PXDNL: variants seen among roughly 807,000 people sequenced by gnomAD.
PXDNL encodes peroxidasin like.
In PXDNL, 145 loss-of-function variants were observed where a neutral mutation model predicts 150.8. The ratio of observed to expected loss-of-function variants is 0.96; its 90% confidence interval spans 0.84 to 1.10. The LOEUF (loss-of-function observed/expected upper bound fraction) is 1.10. Ranked by LOEUF, PXDNL falls within the 50% of genes least tolerant of loss-of-function variation. PXDNL has a pLI of 0.00. For synonymous variants in PXDNL, 757 were observed against 725.7 expected (o/e 1.04, Z -0.69); for missense variants, 2,087 against 1,873.9 (o/e 1.11, Z -2.10).
At chr8:51,451,471 T>G (rs1227631123) in intron 10 of PXDNL, among the ~76,000 whole-genome samples, 1 of 152,236 alleles carries the variant, frequency 6.6e-6, no homozygotes. Context: ...CCACCTCCAG[T>G]GCTAAAATAG....
At chr8:51,659,507 G>A (rs751060603) in intron 1 of PXDNL, among the ~76,000 whole-genome samples, 7 of 152,272 alleles carry the variant, frequency 4.6e-5, no homozygotes, top group South Asian at 2.1e-4. Context: ...ATGACTCCCC[G>A]TGGCAGATTG....
intron 4 of PXDNL, among the ~76,000 whole-genome samples, chr8:51,548,878 T>C (rs763298879): frequency 6.6e-6 from 1 of 152,054 alleles, no homozygotes; most frequent in Non-Finnish European, 1.5e-5. Context: ...TTAAAAGATA[T>C]GGAATGGCAG....
At chr8:51,436,068 G>T in intron 12 of PXDNL, 1 of 518,362 alleles carries the variant, frequency 1.9e-6, no homozygotes, top group South Asian at 1.4e-5. Context: ...AACTACAGAT[G>T]ACTGGAAACC....
intron 1 of PXDNL, among the ~76,000 whole-genome samples, chr8:51,779,947 C>A (rs759953486): frequency 3.3e-5 from 5 of 152,054 alleles, no homozygotes; most frequent in Non-Finnish European, 5.9e-5. Flanking sequence ...TGTGGTGGCT[C>A]ATGCCTGTAA....
At chr8:51,631,825 A>G (rs1814494592) in intron 2 of PXDNL, among the ~76,000 whole-genome samples, 1 of 152,178 alleles carries the variant, frequency 6.6e-6, no homozygotes, top group African/African-American at 2.4e-5. Flanking sequence ...ATTGAAGCTA[A>G]GTTGATATCA....
chr8:51,738,153 A>G (rs1455391217), intron 1 of PXDNL, among the ~76,000 whole-genome samples: 1 of 152,186 alleles, frequency 6.6e-6, no homozygotes, highest in Non-Finnish European at 1.5e-5. Flanking sequence ...CCCACAATAC[A>G]AATATAGTGA....
chr8:51,636,273 C>T (rs1814600716), intron 2 of PXDNL, among the ~76,000 whole-genome samples: 1 of 152,088 alleles, frequency 6.6e-6, no homozygotes, highest in Non-Finnish European at 1.5e-5. Flanking sequence ...AAACCTTCCC[C>T]CTAAGATCAA....
chr8:51,403,284 G>A (rs1808324743), intron 17 of PXDNL, among the ~76,000 whole-genome samples: 1 of 152,114 alleles, frequency 6.6e-6, no homozygotes, highest in Non-Finnish European at 1.5e-5. Flanking sequence ...GGTACTGAAG[G>A]AGGCAGGATA....
At chr8:51,512,486 A>T (rs2130350389) in intron 4 of PXDNL, among the ~76,000 whole-genome samples, 1 of 152,358 alleles carries the variant, frequency 6.6e-6, no homozygotes, top group South Asian at 2.1e-4. Context: ...AGATGGCGGC[A>T]TTGATTCTGT....
chr8:51,578,001 GGAA>G (rs1813116010), intron 3 of PXDNL, among the ~76,000 whole-genome samples: 1 of 53,056 alleles, frequency 1.9e-5, no homozygotes, highest in African/African-American at 1.0e-4. Flanking sequence ...GAAAGAAAGA[GGAA>G]GGAAGGAAGG....
intron 3 of PXDNL, among the ~76,000 whole-genome samples, chr8:51,557,816 C>A (rs1256831627): frequency 1.3e-5 from 2 of 152,094 alleles, no homozygotes; most frequent in South Asian, 4.1e-4. Flanking sequence ...CACAGTTCTG[C>A]CTAAAAATAA....
intron 12 of PXDNL, among the ~76,000 whole-genome samples, chr8:51,430,378 T>G (rs778879866): frequency 6.6e-6 from 1 of 152,198 alleles, no homozygotes; most frequent in African/African-American, 2.4e-5. Context: ...AGCGGCTAAC[T>G]GGGCTTAAAT....
intron 1 of PXDNL, among the ~76,000 whole-genome samples, chr8:51,675,135 A>T (rs1257940258): frequency 6.6e-6 from 1 of 152,112 alleles, no homozygotes; most frequent in Non-Finnish European, 1.5e-5. Flanking sequence ...TATAAACCCT[A>T]GTCATTTCTC....
chr8:51,614,037 T>C (rs1438965500), intron 2 of PXDNL, among the ~76,000 whole-genome samples: 11 of 152,334 alleles, frequency 7.2e-5, no homozygotes, highest in Middle Eastern at 3.4e-3. Flanking sequence ...CACCTGATGG[T>C]TGTGCCATCT....
intron 3 of PXDNL, among the ~76,000 whole-genome samples, chr8:51,582,280 T>C (rs1813226755): frequency 6.6e-6 from 1 of 152,112 alleles, no homozygotes; most frequent in Non-Finnish European, 1.5e-5. Context: ...AGAACTTGAC[T>C]ATGCTAGCAC....
chr8:51,563,591 T>G (rs1220043000), intron 3 of PXDNL, among the ~76,000 whole-genome samples: 1 of 152,016 alleles, frequency 6.6e-6, no homozygotes, highest in African/African-American at 2.4e-5. Context: ...GAATGGACTC[T>G]ATTTACCCCA....
chr8:51,321,312 T>C (rs1378653920), intron 21 of PXDNL, among the ~76,000 whole-genome samples: 1 of 152,222 alleles, frequency 6.6e-6, no homozygotes, highest in Non-Finnish European at 1.5e-5. Context: ...TTATTAAGTT[T>C]CAAAGATGAA....
At chr8:51,450,705 AG>A (rs1253484308) in intron 10 of PXDNL, among the ~76,000 whole-genome samples, 1 of 152,196 alleles carries the variant, frequency 6.6e-6, no homozygotes, top group Non-Finnish European at 1.5e-5. Flanking sequence ...GGAAACCCTC[AG>A]GAATGCCTGC....
At chr8:51,613,340 GATCTCAGGACTGA>G (rs1263962532) in intron 2 of PXDNL, among the ~76,000 whole-genome samples, 1 of 152,024 alleles carries the variant, frequency 6.6e-6, no homozygotes, top group African/African-American at 2.4e-5. Flanking sequence ...CATTGATTCA[GATCTCAGGACTGA>G]GATAAGGCCT....
Sources: gnomAD v4.1 joint callset for allele counts (sites outside exome capture counted in the v4.1 genomes callset) on GRCh38, gnomAD v4.1.1 for gene constraint, MANE v1.5 for transcripts, NCBI Gene and HGNC (gene_info 2026-07-23, HGNC 2026-07-21) for gene names.